The following ASPH variants were observed in gnomAD, a reference collection of about 807,000 sequenced individuals.
The protein encoded by ASPH is aspartyl/asparaginyl beta-hydroxylase.
Under a neutral mutation model 118.4 loss-of-function variants are expected in ASPH, and 100 were observed. The observed-to-expected ratio is 0.84, with a 90% CI of 0.72 to 1.00. The LOEUF (loss-of-function observed/expected upper bound fraction) is 1.00, where lower values mean the gene tolerates loss of function less well. ASPH is among the 50% of genes least tolerant of loss of function. ASPH has a pLI of 0.00. For missense variants in ASPH, 920 were observed against 919.5 expected, an observed-to-expected ratio of 1.00 and a Z score of -0.01; for synonymous variants, 315 against 325.6, an observed-to-expected ratio of 0.97 and a Z score of 0.35.
At chr8:61,535,748 G>T (rs1011830633) in intron 21 of ASPH, among the ~76,000 whole-genome samples, 4 of 152,126 alleles carry the variant, frequency 2.6e-5, no homozygotes, top group Non-Finnish European at 5.9e-5. Flanking sequence ...TTAAATTTTA[G>T]TCAAAACATG....
intron 24 of ASPH, among the ~76,000 whole-genome samples, chr8:61,510,352 T>C (rs570128895): frequency 2.6e-5 from 4 of 152,326 alleles, no homozygotes; most frequent in South Asian, 2.1e-4. Flanking sequence ...TTTATGAAGA[T>C]ACATAACACT....
intron 15 of ASPH, chr8:61,579,292 C>A (rs1465289527): frequency 3.1e-6 from 5 of 1,614,150 alleles, no homozygotes; most frequent in Non-Finnish European, 4.2e-6. Flanking sequence ...GAGCTGGAGG[C>A]TGCCCTGCAG....
chr8:61,665,628 G>A (rs1389379473), intron 3 of ASPH: 8 of 1,539,982 alleles, frequency 5.2e-6, no homozygotes, highest in Middle Eastern at 1.7e-4. Context: ...TCCAATTAAA[G>A]GAAAAAATGT....
chr8:61,524,365 TAAAAC>T (rs554573663), intron 22 of ASPH, among the ~76,000 whole-genome samples: 5 of 149,302 alleles, frequency 3.3e-5, no homozygotes, highest in Non-Finnish European at 4.5e-5. Flanking sequence ...AAAAGAAAAA[TAAAAC>T]AAAACAAAAA....
rs956363286 is a variant in ASPH at position 61,689,747 on chromosome 8, A to C, written c.104-5559T>G. 47 of 1,536,618 alleles carry C rather than the reference A, an allele frequency of 3.1e-5. No homozygotes were observed. The East Asian group carries it at 4.3e-4, about 14-fold the overall frequency. ...AAAGTAAAACAAAACAAAAAAAAAAACTCAAAAGTACTGCTGGCAGGTTTT... is the reference window on the plus strand; with the variant it reads ...AAAGTAAAACAAAACAAAAAAAAAACCTCAAAAGTACTGCTGGCAGGTTTT... On this transcript the variant is annotated intron_variant, in intron 1 of 24. Transcript: ENST00000379454.
intron 17 of ASPH, among the ~76,000 whole-genome samples, 190 bp downstream of exon 17, chr8:61,566,978 C>T (rs1379745767): frequency 6.6e-6 from 1 of 152,144 alleles, no homozygotes; most frequent in Non-Finnish European, 1.5e-5. Flanking sequence ...TGAGGCATGC[C>T]TCTATTAAGA....
intron 21 of ASPH, among the ~76,000 whole-genome samples, chr8:61,536,178 T>G (rs983599337): frequency 1.3e-5 from 2 of 151,996 alleles, no homozygotes; most frequent in African/African-American, 2.4e-5. Context: ...TAGCTGGGAT[T>G]ACAGGTGCCC....
At chr8:61,545,816 T>G (rs4620280) in intron 21 of ASPH, among the ~76,000 whole-genome samples, 147,639 of 152,276 alleles carry the variant, frequency 0.97, 71,597 homozygotes, top group East Asian at 1. Context: ...GGCTGTAGGG[T>G]TTGATCTGTT....
intron 16 of ASPH, among the ~76,000 whole-genome samples, chr8:61,570,084 C>T (rs1056830070): frequency 6.6e-6 from 1 of 152,174 alleles, no homozygotes; most frequent in Non-Finnish European, 1.5e-5. Context: ...AAGCTGAAAA[C>T]GTCGTAAGTC....
chr8:61,685,791 ATTT>A (rs778617779), intron 1 of ASPH, among the ~76,000 whole-genome samples: 1 of 144,370 alleles, frequency 6.9e-6, no homozygotes. Flanking sequence ...ATGTAGATAA[ATTT>A]TTTTTTTTTT....
intron 12 of ASPH, among the ~76,000 whole-genome samples, 192 bp downstream of exon 12, chr8:61,637,755 C>T (rs998563647): frequency 2.0e-5 from 3 of 152,140 alleles, no homozygotes; most frequent in African/African-American, 7.2e-5. Flanking sequence ...TCCTTAATTC[C>T]GTTATTTATT....
intron 14 of ASPH, 77 bp from the exon 15 acceptor site, chr8:61,584,106 G>T: frequency 1.1e-6 from 1 of 913,986 alleles, no homozygotes; most frequent in Non-Finnish European, 1.6e-6. Context: ...TTTACAAGTA[G>T]TGGGAAACCT....
At chr8:61,662,262 T>C (rs1363561121) in intron 3 of ASPH, among the ~76,000 whole-genome samples, 1 of 152,208 alleles carries the variant, frequency 6.6e-6, no homozygotes, top group Admixed American at 6.5e-5. Context: ...AATAATGTCA[T>C]TTAAAAGATT....
intron 3 of ASPH, among the ~76,000 whole-genome samples, chr8:61,679,519 A>C (rs1826901756): frequency 6.6e-6 from 1 of 152,100 alleles, no homozygotes; most frequent in African/African-American, 2.4e-5. Context: ...TTAATTTCTA[A>C]TGGCATTTCC....
chr8:61,549,335 A>G (rs1242771520), intron 20 of ASPH, among the ~76,000 whole-genome samples: 1 of 152,116 alleles, frequency 6.6e-6, no homozygotes, highest in Non-Finnish European at 1.5e-5. Flanking sequence ...TTTTCCAATA[A>G]CCCCAAATAT....
chr8:61,682,466 G>A (rs773300902), intron 2 of ASPH: 48 of 1,612,642 alleles, frequency 3.0e-5, no homozygotes, highest in Middle Eastern at 3.3e-4. Flanking sequence ...AAGTTATAAC[G>A]GAAGTCCTTT....
chr8:61,503,156 C>G lies in ASPH; in HGVS notation c.*203G>C. On this transcript the variant is annotated 3_prime_UTR_variant, in exon 25 of 25. Coordinates refer to ENST00000379454, the MANE Select transcript of ASPH (RefSeq NM_004318.4). ...ACCAGTGCTGTCATGAGATGACACA[C>G]AGCAGGGTGTTTCCTAAATGAATTG... 2.1e-6 allele frequency: 1 copy of G among 471,954 alleles called. No homozygotes were observed. Among genetic ancestry groups the G allele is most frequent in the Non-Finnish European group, 3.6e-6 (1 of 281,474 alleles). 29.2% of individuals were successfully genotyped at this position (471,954 alleles called of 1,614,324 possible).
chr8:61,584,131 C>T, intron 14 of ASPH, 102 bp from the exon 15 acceptor site: 2 of 701,154 alleles, frequency 2.9e-6, no homozygotes, highest in Non-Finnish European at 4.6e-6. Flanking sequence ...CTGGTCTCCA[C>T]CAAAGACCTG....
intron 16 of ASPH, among the ~76,000 whole-genome samples, chr8:61,574,015 C>G (rs1337218185): frequency 2.6e-5 from 4 of 152,148 alleles, no homozygotes; most frequent in Non-Finnish European, 5.9e-5. Context: ...AAAAAACAAA[C>G]AACCCCATCA....
Sources: allele counts gnomAD v4.1 joint callset (sites outside exome capture counted in the v4.1 genomes callset), GRCh38; gene constraint gnomAD v4.1.1; transcripts MANE v1.5; gene names NCBI Gene and HGNC (gene_info 2026-07-23, HGNC 2026-07-21).